Variants in SEC61A1 observed in about 807,000 individuals in gnomAD.
SEC61A1 encodes protein transport protein Sec61 subunit alpha isoform 1.
A neutral mutation model predicts 55.2 loss-of-function variants in SEC61A1; 15 were observed. That is an observed-to-expected ratio of 0.27 (90% CI 0.18 to 0.42). The LOEUF is 0.42. Among genes scored for constraint, SEC61A1 ranks in the 10% least tolerant of loss-of-function variants. The pLI, the probability that SEC61A1 is intolerant of heterozygous loss-of-function variation, is 1.00. For missense variants in SEC61A1, 284 were observed against 602.6 expected (o/e 0.47, Z 5.53); for synonymous variants, 247 against 234.0 (o/e 1.06, Z -0.51).
intron 8 of SEC61A1, among the ~76,000 whole-genome samples, chr3:128,066,364 G>A (rs975791434): frequency 1.3e-5 from 2 of 151,958 alleles, no homozygotes; most frequent in Non-Finnish European, 2.9e-5. Flanking sequence ...TAATGTGATA[G>A]GCTCTGTCTT....
intron 8 of SEC61A1, among the ~76,000 whole-genome samples, chr3:128,066,454 G>A (rs1036131509): frequency 2.6e-5 from 4 of 151,970 alleles, no homozygotes; most frequent in African/African-American, 7.2e-5. Context: ...ACAGGGTCTC[G>A]TTGTGTTGCT....
At chr3:128,056,871 A>G (rs1354074261) in intron 5 of SEC61A1, 31 bp downstream of exon 5, 6 of 1,442,608 alleles carry the variant, frequency 4.2e-6, no homozygotes, top group East Asian at 2.6e-5. Flanking sequence ...TCTGATGTCT[A>G]TAGTTGGAAA....
intron 5 of SEC61A1, among the ~76,000 whole-genome samples, chr3:128,058,201 A>ATTTTTTTTTT (rs57508280): frequency 6.3e-5 from 5 of 79,358 alleles, no homozygotes; most frequent in Non-Finnish European, 1.1e-4. Context: ...AAATACGTCT[A>ATTTTTTTTTT]TTTTTTTTTT....
At chr3:128,062,784 AG>A in intron 7 of SEC61A1, among the ~76,000 whole-genome samples, 1 of 152,236 alleles carries the variant, frequency 6.6e-6, no homozygotes, top group South Asian at 2.1e-4. Flanking sequence ...TCATGGGAGG[AG>A]TAAAAGTGAA....
chr3:128,063,153 GTCT>G (rs1294020425), intron 7 of SEC61A1, among the ~76,000 whole-genome samples: 1 of 151,968 alleles, frequency 6.6e-6, no homozygotes, highest in Non-Finnish European at 1.5e-5. Flanking sequence ...TTTGTAGGGT[GTCT>G]TCATTTCTTA....
rs1162998599 is a variant in SEC61A1 at position 128,069,952 on chromosome 3, T to A, written c.*290T>A. ...TGTCCATGTAACTTTTGTTTTAACC[T>A]TTGCACCTTCTCAGTGCTGTATGCG... On this transcript the variant is annotated 3_prime_UTR_variant, in exon 12 of 12. Coordinates refer to ENST00000243253, the MANE Select transcript of SEC61A1 (RefSeq NM_013336.4). 6.5e-6 allele frequency: 2 copies of A among 309,702 alleles called. No individual in the cohort carries two copies. The highest frequency in any genetic ancestry group is 2.2e-5 in the African/African-American group (1 of 45,866). 19.2% of individuals were successfully genotyped at this position (309,702 alleles called of 1,614,324 possible). A position where few individuals can be genotyped will look rare whatever the true frequency, so the allele number is the denominator to read the frequency against.
At position 128,070,352 on chromosome 3, in the gene SEC61A1, T is replaced by G. The variant is rs1351513190; in HGVS notation, c.*690T>G. On this transcript the variant is annotated 3_prime_UTR_variant, in exon 12 of 12. Coordinates refer to ENST00000243253, the MANE Select transcript of SEC61A1 (RefSeq NM_013336.4). ...CTGGTTGGGCTTAGAGTCTGCCTGT[T>G]TCTGCTAGCTCCGTGTTTAGTCCAC... 6.6e-6 allele frequency: 1 copy of G among 152,290 alleles called. No individual in the cohort carries two copies. The highest frequency in any genetic ancestry group is 2.4e-5 in the African/African-American group (1 of 41,466). The allele number at this position is 152,290 out of a possible 1,614,324, so 9.4% of individuals were successfully genotyped here. A position where few individuals can be genotyped will look rare whatever the true frequency, so the allele number is the denominator to read the frequency against.
In SEC61A1 at chr3:128,069,738, G is replaced by T. The variant is rs1000764286; in HGVS notation, c.*76G>T. 1.5e-5 allele frequency: 19 copies of T among 1,226,900 alleles called. No homozygotes were observed. In the African/African-American group the frequency reaches 2.6e-4, roughly 17 times the overall value. 76.0% of individuals were successfully genotyped at this position (1,226,900 alleles called of 1,614,324 possible). ...GGGAGCTCTCATCATGGCGCGTGCT[G>T]CTGCGGCATATGGACTTTTAATAAT... On this transcript the variant is annotated 3_prime_UTR_variant, in exon 12 of 12. Coordinates refer to ENST00000243253, the MANE Select transcript of SEC61A1 (RefSeq NM_013336.4).
At chr3:128,057,337 G>A (rs1941787621) in intron 5 of SEC61A1, among the ~76,000 whole-genome samples, 1 of 152,220 alleles carries the variant, frequency 6.6e-6, no homozygotes, top group Admixed American at 6.5e-5. Context: ...AGCAGAGGTG[G>A]TGGGTGCTGG....
intron 4 of SEC61A1, 32 bp downstream of exon 4, chr3:128,055,783 A>G: frequency 6.5e-7 from 1 of 1,548,476 alleles, no homozygotes; most frequent in Non-Finnish European, 8.9e-7. Context: ...TTCTCTGTAG[A>G]GTGTAGGCTT....
rs746246951 is a variant in SEC61A1 at position 128,054,452 on chromosome 3, G to C, written c.76-1064G>C. Among the ~76,000 whole-genome samples the C allele has an allele frequency of 4.1e-4, 62 of 152,194 alleles. 1 individual carries two copies. The highest frequency in any genetic ancestry group is 4.6e-4 in the Admixed American group (7 of 15,282). ...GGGAAGAGGACCATTCTCAAGAGAAGAAGAGTCCTGTGAATGCCCCCAGCT... is the reference window on the plus strand; with the variant it reads ...GGGAAGAGGACCATTCTCAAGAGAACAAGAGTCCTGTGAATGCCCCCAGCT... On this transcript the variant is annotated intron_variant, in intron 2 of 11. Coordinates refer to ENST00000243253, the MANE Select transcript of SEC61A1 (RefSeq NM_013336.4).
chr3:128,051,878 T>G, upstream of SEC61A1: 1 of 1,535,862 alleles, frequency 6.5e-7, no homozygotes, highest in Non-Finnish European at 8.7e-7. Context: ...AGCCTCCGGG[T>G]TTGCTTAATG....
chr3:128,067,701 C>A lies in SEC61A1; in HGVS notation c.1167+89C>A. ...TTGTCACCTCATCATAAATAATGGTCTGTGACGTGTGCAGATAGATCGTCG... is the reference window on the plus strand; with the variant it reads ...TTGTCACCTCATCATAAATAATGGTATGTGACGTGTGCAGATAGATCGTCG... On this transcript the variant is annotated intron_variant, in intron 10 of 11. Coordinates refer to ENST00000243253, the MANE Select transcript of SEC61A1 (RefSeq NM_013336.4). This position sits in a 1 kb window ranked among gnomAD's most constrained non-coding sequence, Gnocchi z 4.1. The A allele has an allele frequency of 1.8e-6, 2 of 1,094,954 alleles. No homozygotes were observed. The highest frequency in any genetic ancestry group is 1.5e-5 in the South Asian group (1 of 66,956). The allele number at this position is 1,094,954 out of a possible 1,614,324, so 67.8% of individuals were successfully genotyped here. A position where few individuals can be genotyped will look rare whatever the true frequency, so the allele number is the denominator to read the frequency against.
chr3:128,053,573 A>G (rs1055092996), intron 2 of SEC61A1, among the ~76,000 whole-genome samples: 1 of 152,256 alleles, frequency 6.6e-6, no homozygotes, highest in Non-Finnish European at 1.5e-5. Flanking sequence ...TTGTGTCCTC[A>G]CATTATTTTT....
At chr3:128,061,615 A>C (rs1941854127) in intron 7 of SEC61A1, among the ~76,000 whole-genome samples, 1 of 152,192 alleles carries the variant, frequency 6.6e-6, no homozygotes, top group Admixed American at 6.5e-5. Context: ...GTTACAAAGG[A>C]GAGTGGAGCT....
Position 128,067,690 on chromosome 3 carries a change from T to C in SEC61A1, c.1167+78T>C. On this transcript the variant is annotated intron_variant, in intron 10 of 11. Transcript: ENST00000243253. The surrounding 1 kb of genome is among the most constrained non-coding windows in gnomAD (Gnocchi z 4.1). Reference sequence around the variant, plus strand: ...GGGGTGTGGACTTGTCACCTCATCATAAATAATGGTCTGTGACGTGTGCAG... The same window carrying C: ...GGGGTGTGGACTTGTCACCTCATCACAAATAATGGTCTGTGACGTGTGCAG... 3 of 1,163,282 alleles carry C rather than the reference T, an allele frequency of 2.6e-6. No homozygotes were observed. Among genetic ancestry groups the C allele is most frequent in the Non-Finnish European group, 3.7e-6 (3 of 807,960 alleles). The allele number at this position is 1,163,282 out of a possible 1,614,324, so 72.1% of individuals were successfully genotyped here.
At chr3:128,056,937 A>ATTTTTTTTTTTTTTTTTTTTTTTTTT (rs1233048203) in intron 5 of SEC61A1, 97 bp downstream of exon 5, 1 of 840,378 alleles carries the variant, frequency 1.2e-6, no homozygotes, top group Non-Finnish European at 1.6e-6. Context: ...TTTATTTTTT[A>ATTTTTTTTTTTTTTTTTTTTTTTTTT]TTTTTTTTTT....
intron 7 of SEC61A1, 76 bp downstream of exon 7, chr3:128,060,737 A>C: frequency 7.1e-7 from 1 of 1,404,314 alleles, no homozygotes. Flanking sequence ...GAAGACAAAA[A>C]TCCCCCCATT....
chr3:128,053,818 C>T lies in SEC61A1; in HGVS notation c.75+916C>T, dbSNP rs559033994. Reference sequence around the variant, plus strand: ...GCTATGTGACCTTGGCCTTGTAACTCAGTGTGGTAGACGGAACAAGGGAAA... The same window carrying T: ...GCTATGTGACCTTGGCCTTGTAACTTAGTGTGGTAGACGGAACAAGGGAAA... On this transcript the variant is annotated intron_variant, in intron 2 of 11. Coordinates refer to ENST00000243253, the MANE Select transcript of SEC61A1 (RefSeq NM_013336.4). Among the ~76,000 whole-genome samples the T allele has an allele frequency of 1.8e-4, 28 of 152,298 alleles. 1 individual carries two copies. Among genetic ancestry groups the T allele is most frequent in the African/African-American group, 6.5e-4 (27 of 41,572 alleles).
Sources: allele counts gnomAD v4.1 joint callset (sites outside exome capture counted in the v4.1 genomes callset), GRCh38; gene constraint gnomAD v4.1.1; non-coding constraint Gnocchi (gnomAD v3.1); transcripts MANE v1.5; gene names NCBI Gene and HGNC (gene_info 2026-07-23, HGNC 2026-07-21).